Variants in MTHFD1 observed in about 807,000 individuals in gnomAD.
MTHFD1 encodes methylenetetrahydrofolate dehydrogenase, cyclohydrolase and formyltetrahydrofolate synthetase 1, also known as C-1-tetrahydrofolate synthase, cytoplasmic.
Under a neutral mutation model 110.3 loss-of-function variants are expected in MTHFD1, and 44 were observed. The ratio of observed to expected loss-of-function variants is 0.40; its 90% CI spans 0.31 to 0.51. MTHFD1 has a LOEUF of 0.51. Ranked by LOEUF, MTHFD1 falls within the 20% of genes least tolerant of loss-of-function variation. The probability of loss-of-function intolerance (pLI) is 0.60; values close to 1 mark genes in which losing one functional copy is unlikely to be tolerated. For synonymous variants in MTHFD1, 402 were observed against 428.8 expected, an observed-to-expected ratio of 0.94 and a Z score of 0.77; for missense variants, 909 against 1,173.1, an observed-to-expected ratio of 0.77 and a Z score of 3.29.
chr14:64,448,583 CT>C (rs1212959417), intron 23 of MTHFD1: 7 of 473,184 alleles, frequency 1.5e-5, no homozygotes, highest in Non-Finnish European at 2.3e-5. Context: ...TTCAATGTTC[CT>C]TTTTCATCTT....
chr14:64,392,643 T>C (rs528398360), intron 1 of MTHFD1, among the ~76,000 whole-genome samples: 3 of 152,312 alleles, frequency 2.0e-5, no homozygotes, highest in African/African-American at 7.2e-5. Context: ...CTAAGCACGG[T>C]GCTGCCTCCT....
chr14:64,401,432 G>A (rs867948253), intron 2 of MTHFD1, among the ~76,000 whole-genome samples: 2 of 152,136 alleles, frequency 1.3e-5, no homozygotes, highest in Non-Finnish European at 2.9e-5. Flanking sequence ...GGCCGGACAC[G>A]GTGGCTCCTG....
Position 64,431,430 on chromosome 14 carries a change from T to C in MTHFD1, c.1312-102T>C, listed in dbSNP as rs2078159337. The C allele has an allele frequency of 6.7e-5, 64 of 957,854 alleles. No individual in the cohort carries two copies. In the South Asian group the frequency reaches 8.6e-4, roughly 13 times the overall value. The allele number at this position is 957,854 out of a possible 1,614,324, so 59.3% of individuals were successfully genotyped here. A position where few individuals can be genotyped will look rare whatever the true frequency, so the allele number is the denominator to read the frequency against. On this transcript the variant is annotated intron_variant, in intron 13 of 27. Transcript: ENST00000652337. ...TGTCCACTAACTGGGCTGCCTTCAG[T>C]ATTCCATTGGCTTTAAAATAGGGAT...
chr14:64,413,806 T>TAA (rs1212545619), intron 4 of MTHFD1, among the ~76,000 whole-genome samples: 1 of 152,172 alleles, frequency 6.6e-6, no homozygotes, highest in Non-Finnish European at 1.5e-5. Flanking sequence ...AATAAGTTAT[T>TAA]AGAGTTCTTA....
intron 24 of MTHFD1, among the ~76,000 whole-genome samples, chr14:64,451,686 T>C (rs1306299252): frequency 6.6e-6 from 1 of 152,206 alleles, no homozygotes; most frequent in Non-Finnish European, 1.5e-5. Context: ...ATATGGACTT[T>C]AGAACCCATT....
intron 16 of MTHFD1, among the ~76,000 whole-genome samples, chr14:64,436,004 T>G (rs1415881131): frequency 6.6e-6 from 1 of 152,222 alleles, no homozygotes; most frequent in East Asian, 1.9e-4. Context: ...GAAATTATGT[T>G]TAATCACTTC....
In MTHFD1 at chr14:64,405,207, G is replaced by C. The variant is rs1033214298; in HGVS notation, c.126+4330G>C. On this transcript the variant is annotated intron_variant, in intron 2 of 27. Coordinates refer to ENST00000652337, the MANE Select transcript of MTHFD1 (RefSeq NM_005956.4). ...CTTGGCTTATTTTTGCAAATTGTTT[G>C]TTGTAGAAAGAGTAAATGTCATAGG... 1.1e-4 allele frequency among the ~76,000 whole-genome samples: 16 copies of C among 152,134 alleles called. 1 individual carries two copies. Among genetic ancestry groups the C allele is most frequent in the Admixed American group, 1.0e-3 (16 of 15,274 alleles).
intron 21 of MTHFD1, among the ~76,000 whole-genome samples, chr14:64,444,121 G>A (rs747548569): frequency 1.3e-5 from 2 of 152,064 alleles, no homozygotes; most frequent in Non-Finnish European, 2.9e-5. Flanking sequence ...GCTGGGGGGC[G>A]GGGCGGGGAG....
At chr14:64,441,670 G>A (rs2078250092) in intron 19 of MTHFD1, 9 of 574,906 alleles carry the variant, frequency 1.6e-5, no homozygotes, top group South Asian at 1.5e-4. Flanking sequence ...GCCGGGCATG[G>A]TGGCGGGCGC....
chr14:64,412,121 G>A (rs2077989943), intron 3 of MTHFD1, among the ~76,000 whole-genome samples: 1 of 152,152 alleles, frequency 6.6e-6, no homozygotes, highest in South Asian at 2.1e-4. Context: ...AAAATATGGG[G>A]GAGGCATGTA....
intron 8 of MTHFD1, chr14:64,423,013 G>A (rs2078086812): frequency 6.6e-6 from 1 of 152,132 alleles, no homozygotes; most frequent in South Asian, 2.1e-4. Flanking sequence ...ACATTAACAC[G>A]TAGAAATAGA....
intron 10 of MTHFD1, 59 bp from the exon 11 acceptor site, chr14:64,425,960 T>A: frequency 6.2e-7 from 1 of 1,605,746 alleles, no homozygotes; most frequent in South Asian, 1.1e-5. Flanking sequence ...TTGTTACTAC[T>A]GTGGGATTAA....
chr14:64,454,597 G>C, intron 25 of MTHFD1, 126 bp from the exon 26 acceptor site: 1 of 758,552 alleles, frequency 1.3e-6, no homozygotes, highest in Non-Finnish European at 2.3e-6. Context: ...GCAAGATAGA[G>C]ATGTATATAA....
rs1269081933 is a variant in MTHFD1, at chr14:64,430,248, T to G, written c.1311+18T>G. On this transcript the variant is annotated intron_variant, in intron 13 of 27. Transcript: ENST00000652337. The stretch of plus-strand genomic sequence containing the variant: ...TGGAAGAGGTAAAGTATTCTGGGAT[T>G]TGGCTGAATTAGATCCCCCTTTTTT... 6.2e-7 allele frequency: 1 copy of G among 1,612,022 alleles called. No homozygotes were observed. Among genetic ancestry groups the G allele is most frequent in the Admixed American group, 1.7e-5 (1 of 60,006 alleles).
At chr14:64,458,457 T>A in intron 27 of MTHFD1, 150 bp downstream of exon 27, 1 of 702,868 alleles carries the variant, frequency 1.4e-6, no homozygotes, top group Admixed American at 2.2e-5. Flanking sequence ...GGGATAGTAA[T>A]GAGAGTTGGC....
rs764919087 is a variant in MTHFD1, at chr14:64,415,433, G to T, written c.316G>T (p.Glu106Ter). 1.9e-6 allele frequency: 3 copies of T among 1,613,914 alleles called. No homozygotes were observed. Residue 106 changes from glutamate (E) to a stop codon, truncating the protein, a stop_gained, in exon 5 of 28, where the codon GAG becomes TAG. Coordinates refer to ENST00000652337, the MANE Select transcript of MTHFD1 (RefSeq NM_005956.4). LOFTEE classifies it high-confidence loss of function. ...CTTAGTGCAGCTACCTTTAGATTCA[G>T]AGAATTCCATTAACACTGAAGAAGT... ...GFLVQLPLDS[E>*]NSINTEEVIN...
chr14:64,448,317 A>C lies in MTHFD1; in HGVS notation c.2279A>C (p.Lys760Thr), dbSNP rs764638481. The C allele has an allele frequency of 2.5e-6, 4 of 1,605,086 alleles. No individual in the cohort carries two copies. In the East Asian group the frequency reaches 8.9e-5, roughly 36 times the overall value. Residue 760 changes from lysine (K) to threonine (T), a missense_variant and splice_region_variant, in exon 23 of 28, where the codon AAG (lysine) becomes ACG (threonine). Transcript: ENST00000652337. ...IPVVVAVNAF[K>T]TDTESELDLI... ...GTAGTAGTGGCCGTGAATGCATTCA[A>C]GTAAGTGTAGAGTGTAAGCGAAAAG... is the stretch of plus-strand genomic sequence containing the variant.
At chr14:64,400,072 C>T (rs919232933) in intron 1 of MTHFD1, among the ~76,000 whole-genome samples, 1 of 152,194 alleles carries the variant, frequency 6.6e-6, no homozygotes, top group Admixed American at 6.5e-5. Context: ...ATTGCCTGCT[C>T]CTGGCCAGTG....
chr14:64,458,348 G>A (rs769182772), intron 27 of MTHFD1, 41 bp downstream of exon 27: 1 of 1,269,870 alleles, frequency 7.9e-7, no homozygotes, highest in Non-Finnish European at 1.2e-6. Context: ...TTTTCCTCAT[G>A]TAGCTTATTT....
Sources: allele counts gnomAD v4.1 joint callset (sites outside exome capture counted in the v4.1 genomes callset), GRCh38; gene constraint gnomAD v4.1.1; transcripts MANE v1.5; gene names NCBI Gene and HGNC (gene_info 2026-07-23, HGNC 2026-07-21).